The following SPAG16 variants were observed in gnomAD, a reference collection of about 807,000 sequenced individuals.
The protein encoded by SPAG16 is sperm associated antigen 16, also known as sperm-associated antigen 16 protein.
Under a neutral mutation model 80.4 loss-of-function variants are expected in SPAG16, and 86 were observed. That is an observed-to-expected ratio of 1.07 (90% CI 0.90 to 1.28). The LOEUF (loss-of-function observed/expected upper bound fraction) is 1.28, where lower values mean the gene tolerates loss of function less well. SPAG16 is among the 50% of genes most tolerant of loss of function. The probability of loss-of-function intolerance (pLI) is 0.00; values close to 1 mark genes in which losing one functional copy is unlikely to be tolerated. For missense variants in SPAG16, 870 were observed against 765.3 expected (o/e 1.14, Z -1.61); for synonymous variants, 294 against 265.9 (o/e 1.11, Z -1.03).
At chr2:213,527,262 G>GA (rs1169565058) in intron 10 of SPAG16, among the ~76,000 whole-genome samples, 1 of 152,154 alleles carries the variant, frequency 6.6e-6, no homozygotes, top group Non-Finnish European at 1.5e-5. Context: ...GGTTCTGAGA[G>GA]AAAAAACTGG....
At chr2:213,691,511 T>C (rs1237449263) in intron 10 of SPAG16, among the ~76,000 whole-genome samples, 1 of 152,154 alleles carries the variant, frequency 6.6e-6, no homozygotes, top group Non-Finnish European at 1.5e-5. Flanking sequence ...AAGCCCTGGC[T>C]GATATCTGTC....
chr2:213,923,198 T>C (rs1375244665), intron 11 of SPAG16, among the ~76,000 whole-genome samples: 1 of 139,264 alleles, frequency 7.2e-6, no homozygotes, highest in African/African-American at 2.6e-5. Flanking sequence ...CAGGGGTTGG[T>C]GGGGATGCTT....
intron 11 of SPAG16, among the ~76,000 whole-genome samples, chr2:213,893,236 C>T (rs996541253): frequency 2.0e-5 from 3 of 151,994 alleles, no homozygotes; most frequent in African/African-American, 7.3e-5. Context: ...AGCTATGAAA[C>T]AGAAAAATTC....
chr2:214,003,872 G>A (rs1559680322), intron 12 of SPAG16, among the ~76,000 whole-genome samples: 1 of 152,108 alleles, frequency 6.6e-6, no homozygotes, highest in East Asian at 1.9e-4. Context: ...TTGCATTTAG[G>A]ATCACTAGAC....
chr2:213,785,843 C>T lies in SPAG16; in HGVS notation c.1071-76642C>T, dbSNP rs1382537217. Reference sequence around the variant, plus strand: ...CCAACATGGTGAAACCCCGTCTCTACTAACAATACAAAAATTAGCTGGGCA... The same window carrying T: ...CCAACATGGTGAAACCCCGTCTCTATTAACAATACAAAAATTAGCTGGGCA... On this transcript the variant is annotated intron_variant, in intron 10 of 15. Transcript: ENST00000331683. Among the ~76,000 whole-genome samples the T allele has an allele frequency of 2.0e-5, 3 of 152,082 alleles. No individual in the cohort carries two copies. The East Asian group carries it at 5.8e-4, about 30-fold the overall frequency.
At chr2:214,357,477 C>A (rs1044979832) in intron 15 of SPAG16, among the ~76,000 whole-genome samples, 8 of 151,826 alleles carry the variant, frequency 5.3e-5, no homozygotes, top group Non-Finnish European at 8.8e-5. Flanking sequence ...TATGTCTAAT[C>A]TGCTCTACCC....
chr2:213,978,424 A>G (rs2045530234), intron 12 of SPAG16, among the ~76,000 whole-genome samples: 1 of 152,094 alleles, frequency 6.6e-6, no homozygotes, highest in African/African-American at 2.4e-5. Context: ...CTCAACGTCA[A>G]AACTTTTGCT....
chr2:213,510,874 C>T (rs73988526), intron 10 of SPAG16, among the ~76,000 whole-genome samples: 1,938 of 152,160 alleles, frequency 0.013, 40 homozygotes, highest in African/African-American at 0.043. Context: ...AATCCTGGAA[C>T]CAATTTATAG....
chr2:214,115,914 C>T (rs753121984), intron 14 of SPAG16, among the ~76,000 whole-genome samples: 15 of 151,774 alleles, frequency 9.9e-5, no homozygotes, highest in South Asian at 2.1e-4. Flanking sequence ...CTCCTATCTC[C>T]GCCCACAAGA....
chr2:214,001,384 A>T (rs556786498), intron 12 of SPAG16, among the ~76,000 whole-genome samples: 37 of 152,364 alleles, frequency 2.4e-4, no homozygotes, highest in Middle Eastern at 3.4e-3. Flanking sequence ...AGAAGCTAAA[A>T]GTGATTTAAC....
intron 14 of SPAG16, among the ~76,000 whole-genome samples, chr2:214,145,650 G>A (rs1049284707): frequency 6.6e-6 from 1 of 152,104 alleles, no homozygotes; most frequent in Admixed American, 6.6e-5. Context: ...GCAATCAGGA[G>A]TGGTGACTAT....
At chr2:214,043,624 C>T (rs1332498213) in intron 13 of SPAG16, among the ~76,000 whole-genome samples, 1 of 152,080 alleles carries the variant, frequency 6.6e-6, no homozygotes, top group South Asian at 2.1e-4. Context: ...GATGTTAGAA[C>T]AATTCATTTA....
At chr2:213,612,773 T>A (rs1291059090) in intron 10 of SPAG16, among the ~76,000 whole-genome samples, 1 of 152,162 alleles carries the variant, frequency 6.6e-6, no homozygotes, top group Non-Finnish European at 1.5e-5. Flanking sequence ...AACCTCTGCC[T>A]CCCAGGTTCA....
At chr2:213,494,445 G>A (rs1439134477) in intron 10 of SPAG16, among the ~76,000 whole-genome samples, 1 of 152,154 alleles carries the variant, frequency 6.6e-6, no homozygotes. Context: ...AAGCCTAGGA[G>A]TCATTTTAAT....
chr2:213,337,127 C>G (rs2064405635), intron 5 of SPAG16, among the ~76,000 whole-genome samples: 1 of 152,146 alleles, frequency 6.6e-6, no homozygotes, highest in Non-Finnish European at 1.5e-5. Context: ...ACTGCAACAT[C>G]CCTGTAGAAG....
At chr2:214,003,136 C>G (rs545173857) in intron 12 of SPAG16, among the ~76,000 whole-genome samples, 35 of 152,246 alleles carry the variant, frequency 2.3e-4, no homozygotes, top group African/African-American at 8.2e-4. Context: ...ACCATTTTCC[C>G]GTGTGAACCA....
intron 14 of SPAG16, among the ~76,000 whole-genome samples, chr2:214,114,234 G>A (rs6733377): frequency 0.71 from 107,669 of 152,034 alleles, 38,734 homozygotes; most frequent in South Asian, 0.8. Context: ...TGTATGAGGT[G>A]TCTGTCAGCC....
At chr2:214,128,724 G>C (rs2054612839) in intron 14 of SPAG16, among the ~76,000 whole-genome samples, 1 of 151,798 alleles carries the variant, frequency 6.6e-6, no homozygotes, top group Non-Finnish European at 1.5e-5. Context: ...GTAATATGGT[G>C]ATATTACCTA....
At chr2:213,424,317 AT>A (rs1203976941) in intron 9 of SPAG16, among the ~76,000 whole-genome samples, 3 of 152,354 alleles carry the variant, frequency 2.0e-5, no homozygotes, top group African/African-American at 4.8e-5. Context: ...ACTTTAAAAA[AT>A]GAGTTAATTT....
Sources: allele counts gnomAD v4.1 joint callset (sites outside exome capture counted in the v4.1 genomes callset), GRCh38; gene constraint gnomAD v4.1.1; transcripts MANE v1.5; gene names NCBI Gene and HGNC (gene_info 2026-07-23, HGNC 2026-07-21).